Variants in IGSF10 observed in about 807,000 individuals in gnomAD.
IGSF10 encodes calvaria mechanical force protein 608.
Under a neutral mutation model 128.2 loss-of-function variants are expected in IGSF10, and 126 were observed. The observed-to-expected ratio is 0.98, with a 90% confidence interval of 0.85 to 1.14. The LOEUF (loss-of-function observed/expected upper bound fraction) is 1.14, where lower values mean the gene tolerates loss of function less well. Among genes scored for constraint, IGSF10 ranks in the 50% most tolerant of loss-of-function variants. The pLI is 0.00. For synonymous variants in IGSF10, 1,185 were observed against 1,146.2 expected (o/e 1.03, Z -0.68); for missense variants, 3,295 against 3,149.8 (o/e 1.05, Z -1.10).
the IGSF10 span, among the ~76,000 whole-genome samples, chr3:151,511,431 T>C: frequency 1.3e-5 from 2 of 152,254 alleles, no homozygotes; most frequent in South Asian, 2.1e-4. Flanking sequence ...ATTTTGTCAC[T>C]ATCAGGCCTG....
chr3:151,454,211 T>A lies in IGSF10; in HGVS notation c.325-437A>T, dbSNP rs183954120. On this transcript the variant is annotated intron_variant, in intron 4 of 7. Transcript: ENST00000282466. The stretch of plus-strand genomic sequence containing the variant: ...TTTTGTAGTTTTAGTAGAGATGGGG[T>A]TTCACCATGTTGGCAAGGTTGGTCT... Among the ~76,000 whole-genome samples the A allele has an allele frequency of 3.8e-4, 58 of 152,018 alleles. 1 individual carries two copies. The highest frequency in any genetic ancestry group is 6.8e-3 in the Middle Eastern group (2 of 294).
At position 151,448,370 on chromosome 3, in the gene IGSF10, T is replaced by C. The variant is rs1721330756; in HGVS notation, c.1611A>G (p.Glu537=). Residue 537 remains glutamate, a synonymous_variant, in exon 6 of 8, where the codon GAA becomes GAG. Coordinates refer to ENST00000282466, the MANE Select transcript of IGSF10 (RefSeq NM_178822.5). ...TGTCAAAACTATCAGCCATCTGGAG[T>C]TCCAATTTTCCACTTTTGTCTATTA... ...RILIDKSGKL[E]LQMADSFDTG... is the part of the protein sequence containing the mutation. 1 of 1,613,978 alleles carries C rather than the reference T, an allele frequency of 6.2e-7. No homozygotes were observed.
chr3:151,539,282 C>T, the IGSF10 span, among the ~76,000 whole-genome samples: 3 of 152,108 alleles, frequency 2.0e-5, no homozygotes, highest in African/African-American at 7.2e-5. Flanking sequence ...GAGAGAAGAC[C>T]AGATGCAGAC....
At chr3:151,530,063 T>C in the IGSF10 span, among the ~76,000 whole-genome samples, 1 of 151,606 alleles carries the variant, frequency 6.6e-6, no homozygotes, top group Admixed American at 6.6e-5. Flanking sequence ...TCATGAAGCA[T>C]ACACAAGTAT....
At chr3:151,601,453 G>A in the IGSF10 span, among the ~76,000 whole-genome samples, 5 of 152,120 alleles carry the variant, frequency 3.3e-5, no homozygotes, top group African/African-American at 1.2e-4. Context: ...ATGCTTATTT[G>A]AGTAAATTTT....
chr3:151,530,390 G>A, the IGSF10 span, among the ~76,000 whole-genome samples: 4 of 152,064 alleles, frequency 2.6e-5, no homozygotes, highest in African/African-American at 7.2e-5. Context: ...CTCAAGAAGA[G>A]CAACCCCAAG....
Position 151,438,377 on chromosome 3 carries a change from CT to C in IGSF10, c.6183del (p.Ala2062LeufsTer18). On this transcript the variant is annotated frameshift_variant, in exon 8 of 8. Coordinates refer to ENST00000282466, the MANE Select transcript of IGSF10 (RefSeq NM_178822.5). LOFTEE classifies it low-confidence loss of function (END_TRUNC). ...ATCTCTGGCACTGGGGAGCCGGAAGCTTTGCAATCTACTTGGAAATCTTTCC... is the reference window on the plus strand; with the variant it reads ...ATCTCTGGCACTGGGGAGCCGGAAGCTTGCAATCTACTTGGAAATCTTTCC... ...LHGKDFQVDCKASGSPVPEIS... is the reference protein window; with the variant it reads ...LHGKDFQVDCXASGSPVPEIS... 6.2e-7 allele frequency: 1 copy of C among 1,614,140 alleles called. No homozygotes were observed. The highest frequency in any genetic ancestry group is 1.1e-5 in the South Asian group (1 of 91,078).
the IGSF10 span, among the ~76,000 whole-genome samples, chr3:151,594,792 C>T: frequency 6.6e-6 from 1 of 151,780 alleles, no homozygotes; most frequent in African/African-American, 2.4e-5. Context: ...ATTCCCAACA[C>T]AAAGAAATGA....
the IGSF10 span, among the ~76,000 whole-genome samples, chr3:151,560,137 G>C: frequency 6.6e-6 from 1 of 152,054 alleles, no homozygotes. Context: ...TTGTTACTTT[G>C]AGAAACTGTG....
the IGSF10 span, among the ~76,000 whole-genome samples, chr3:151,480,602 C>T: frequency 2.0e-5 from 3 of 152,090 alleles, no homozygotes; most frequent in Non-Finnish European, 4.4e-5. Context: ...TGGCAAGCAG[C>T]CATTGCATCT....
chr3:151,547,268 T>C, the IGSF10 span, among the ~76,000 whole-genome samples: 1 of 152,126 alleles, frequency 6.6e-6, no homozygotes, highest in African/African-American at 2.4e-5. Flanking sequence ...CAATATTCAT[T>C]TTGTTAAATA....
intron 4 of IGSF10, among the ~76,000 whole-genome samples, chr3:151,454,177 C>A (rs1248220093): frequency 6.6e-6 from 1 of 151,860 alleles, no homozygotes; most frequent in African/African-American, 2.4e-5. Context: ...ACCACCATGC[C>A]CAGCTAATTT....
At chr3:151,467,697 ACGCAGTGAAACCC>A in the IGSF10 span, among the ~76,000 whole-genome samples, 1 of 152,012 alleles carries the variant, frequency 6.6e-6, no homozygotes, top group Admixed American at 6.6e-5. Flanking sequence ...GTCCTGGCTA[ACGCAGTGAAACCC>A]CGTCTCTACT....
Position 151,437,952 on chromosome 3 carries a change from C to A in IGSF10, c.6609G>T (p.Val2203=). The A allele has an allele frequency of 6.2e-7, 1 of 1,614,214 alleles. No individual in the cohort carries two copies. Among genetic ancestry groups the A allele is most frequent in the African/African-American group, 1.3e-5 (1 of 75,066 alleles). ...CGTACTCTCCAGAATCGAGCAGTTTCACTTTGTTGATGGTCAAAGACCCAT... is the reference window on the plus strand; with the variant it reads ...CGTACTCTCCAGAATCGAGCAGTTTAACTTTGTTGATGGTCAAAGACCCAT... ...HANGSLTINK[V]KLLDSGEYVC... is the part of the protein sequence containing the mutation. The change falls in exon 8 of 8, where the codon GTG becomes GTT. Residue 2203 remains valine, a synonymous_variant. Coordinates refer to ENST00000282466, the MANE Select transcript of IGSF10 (RefSeq NM_178822.5).
At chr3:151,459,782 C>A (rs927113693) in intron 2 of IGSF10, among the ~76,000 whole-genome samples, 1 of 152,136 alleles carries the variant, frequency 6.6e-6, no homozygotes, top group Non-Finnish European at 1.5e-5. Flanking sequence ...CTTTTCCAAG[C>A]AAAATGACCT....
the IGSF10 span, among the ~76,000 whole-genome samples, chr3:151,527,380 G>A: frequency 1.3e-5 from 2 of 152,144 alleles, no homozygotes; most frequent in Non-Finnish European, 2.9e-5. Context: ...ACAATAAAAT[G>A]TCAGAATTCT....
chr3:151,502,733 C>A, the IGSF10 span, among the ~76,000 whole-genome samples: 50 of 152,110 alleles, frequency 3.3e-4, no homozygotes, highest in African/African-American at 1.2e-3. Context: ...TTTGGACCAA[C>A]CTCTTACTAA....
chr3:151,476,440 A>G, the IGSF10 span, among the ~76,000 whole-genome samples: 1 of 152,084 alleles, frequency 6.6e-6, no homozygotes, highest in Non-Finnish European at 1.5e-5. Context: ...ATAGTCTCCT[A>G]TAAACAGGAA....
At chr3:151,526,478 T>C in the IGSF10 span, among the ~76,000 whole-genome samples, 2 of 152,166 alleles carry the variant, frequency 1.3e-5, no homozygotes. Context: ...TAATAACTTT[T>C]TAAACTGGGA....
Sources: gnomAD v4.1 joint callset for allele counts (sites outside exome capture counted in the v4.1 genomes callset) on GRCh38, gnomAD v4.1.1 for gene constraint, MANE v1.5 for transcripts, NCBI Gene and HGNC (gene_info 2026-07-23, HGNC 2026-07-21) for gene names.